Variants in UBE3D observed in about 807,000 individuals in gnomAD.
UBE3D encodes ubiquitin protein ligase E3D, also known as E3 ubiquitin-protein ligase E3D.
UBE3D carries 48 observed loss-of-function variants against 49.6 expected under a neutral mutation model. The observed-to-expected ratio is 0.97, with a 90% CI of 0.77 to 1.23. UBE3D has a LOEUF of 1.23. UBE3D is among the 50% of genes most tolerant of loss of function. The pLI, the probability that UBE3D is intolerant of heterozygous loss-of-function variation, is 0.00. For synonymous variants in UBE3D, 189 were observed against 174.2 expected, an observed-to-expected ratio of 1.08 and a Z score of -0.67; for missense variants, 452 against 468.4, an observed-to-expected ratio of 0.96 and a Z score of 0.32.
intron 1 of UBE3D, among the ~76,000 whole-genome samples, chr6:83,064,825 T>C (rs111569940): frequency 2.8e-4 from 42 of 152,270 alleles, no homozygotes; most frequent in African/African-American, 9.4e-4. Flanking sequence ...ATATTCCAAA[T>C]TGCCACACCA....
At chr6:82,947,350 A>G (rs1182028616) in intron 9 of UBE3D, among the ~76,000 whole-genome samples, 1 of 152,008 alleles carries the variant, frequency 6.6e-6, no homozygotes, top group East Asian at 1.9e-4. Flanking sequence ...TAATAACTGG[A>G]GACTTCAACA....
intron 9 of UBE3D, among the ~76,000 whole-genome samples, chr6:82,947,055 T>G (rs541934292): frequency 4.6e-5 from 7 of 151,836 alleles, no homozygotes; most frequent in Non-Finnish European, 1.0e-4. Context: ...AGCCTTTACT[T>G]ATCAATAACA....
chr6:83,043,761 T>C (rs1782834456), intron 4 of UBE3D, among the ~76,000 whole-genome samples: 1 of 152,246 alleles, frequency 6.6e-6, no homozygotes, highest in Non-Finnish European at 1.5e-5. Flanking sequence ...TGACTGGCCA[T>C]CAGTGGAATG....
chr6:82,942,964 C>A (rs1019988560), intron 9 of UBE3D, among the ~76,000 whole-genome samples: 1 of 152,188 alleles, frequency 6.6e-6, no homozygotes, highest in Non-Finnish European at 1.5e-5. Flanking sequence ...CCTGCACAGA[C>A]ACTCAACACC....
At chr6:83,017,415 A>G (rs1037805460) in intron 8 of UBE3D, 3 of 152,190 alleles carry the variant, frequency 2.0e-5, no homozygotes, top group African/African-American at 7.2e-5. Context: ...ACATCAAAAG[A>G]GAATATAATC....
chr6:83,019,063 A>T lies in UBE3D; in HGVS notation c.920T>A (p.Leu307Ter). ...ATCGGCTTTGAATGTGTTTTCCAAC[A>T]AGGGGAATTTTTTGATATATTTGGA... ...RNSKYIKKFP[L>*]LENTFKADSS... The change falls in exon 8 of 10, where the codon TTG (leucine) becomes TAG (stop). Residue 307 changes from leucine (L) to a stop codon, truncating the protein, a stop_gained. Transcript: ENST00000369747. LOFTEE classifies it high-confidence loss of function. 1 of 1,614,002 alleles carries T rather than the reference A, an allele frequency of 6.2e-7. No individual in the cohort carries two copies. Among genetic ancestry groups the T allele is most frequent in the Non-Finnish European group, 8.5e-7 (1 of 1,179,918 alleles).
intron 9 of UBE3D, among the ~76,000 whole-genome samples, chr6:82,911,213 A>C (rs867702045): frequency 3.3e-5 from 5 of 150,260 alleles, no homozygotes; most frequent in South Asian, 2.1e-4. Flanking sequence ...AAAAAAAAAA[A>C]AAAAAAAAAA....
At chr6:83,033,199 C>T (rs1296656211) in intron 5 of UBE3D, among the ~76,000 whole-genome samples, 4 of 152,062 alleles carry the variant, frequency 2.6e-5, no homozygotes, top group Non-Finnish European at 4.4e-5. Flanking sequence ...TTTTAAAAAA[C>T]CAGATCTCAT....
intron 9 of UBE3D, among the ~76,000 whole-genome samples, chr6:82,924,353 ATTCAGAG>A (rs899391835): frequency 1.4e-4 from 22 of 152,192 alleles, no homozygotes; most frequent in African/African-American, 5.1e-4. Context: ...CCTCAAAAAT[ATTCAGAG>A]TTTTGATTTA....
intron 8 of UBE3D, among the ~76,000 whole-genome samples, chr6:82,986,672 T>C (rs908893251): frequency 6.7e-6 from 1 of 148,830 alleles, no homozygotes; most frequent in East Asian, 1.9e-4. Context: ...GTATGGATTA[T>C]ACATATATCT....
At chr6:82,918,104 A>G (rs1199930341) in intron 9 of UBE3D, among the ~76,000 whole-genome samples, 1 of 152,162 alleles carries the variant, frequency 6.6e-6, no homozygotes, top group Non-Finnish European at 1.5e-5. Context: ...CCAAGGACTC[A>G]TGTACTTTCT....
intron 9 of UBE3D, among the ~76,000 whole-genome samples, chr6:82,901,212 T>C (rs1472344986): frequency 7.9e-5 from 12 of 152,126 alleles, no homozygotes; most frequent in Admixed American, 5.9e-4. Context: ...ATAATATTAT[T>C]CTAGGATATC....
intron 8 of UBE3D, among the ~76,000 whole-genome samples, chr6:82,995,170 C>T (rs912491734): frequency 6.6e-6 from 1 of 152,120 alleles, no homozygotes; most frequent in Non-Finnish European, 1.5e-5. Flanking sequence ...GAGAATGCCA[C>T]GGCAAACACT....
chr6:83,001,357 A>G (rs1459584909), intron 8 of UBE3D, among the ~76,000 whole-genome samples: 2 of 152,228 alleles, frequency 1.3e-5, no homozygotes, highest in African/African-American at 2.4e-5. Flanking sequence ...TACACATTTA[A>G]TAAGTATTTG....
chr6:82,951,020 A>T (rs1318938439), intron 9 of UBE3D, among the ~76,000 whole-genome samples: 1 of 152,138 alleles, frequency 6.6e-6, no homozygotes, highest in Non-Finnish European at 1.5e-5. Flanking sequence ...AAAAGAAAGA[A>T]TAAGATCTAA....
intron 8 of UBE3D, among the ~76,000 whole-genome samples, chr6:83,012,013 G>A (rs1337357941): frequency 6.6e-6 from 1 of 152,150 alleles, no homozygotes; most frequent in African/African-American, 2.4e-5. Flanking sequence ...TTGTAATTAT[G>A]ACTTCAAAAG....
At chr6:82,933,687 T>C (rs916124987) in intron 9 of UBE3D, among the ~76,000 whole-genome samples, 1 of 152,194 alleles carries the variant, frequency 6.6e-6, no homozygotes, top group Admixed American at 6.5e-5. Context: ...GTTGTTATTT[T>C]CCTTCTACAG....
intron 8 of UBE3D, among the ~76,000 whole-genome samples, chr6:82,969,748 G>C (rs958919226): frequency 1.3e-5 from 2 of 151,994 alleles, no homozygotes; most frequent in African/African-American, 4.8e-5. Flanking sequence ...AAGTGTCAAT[G>C]GTCCCAAAAT....
At chr6:83,064,029 A>G (rs1784341223) in intron 1 of UBE3D, among the ~76,000 whole-genome samples, 1 of 152,250 alleles carries the variant, frequency 6.6e-6, no homozygotes, top group African/African-American at 2.4e-5. Context: ...TGGTATATTC[A>G]TACAATGGAA....
Sources: allele counts gnomAD v4.1 joint callset (sites outside exome capture counted in the v4.1 genomes callset), GRCh38; gene constraint gnomAD v4.1.1; transcripts MANE v1.5; gene names NCBI Gene and HGNC (gene_info 2026-07-23, HGNC 2026-07-21).